Variants in PDGFC observed in about 807,000 individuals in gnomAD.
PDGFC encodes the protein platelet-derived growth factor C.
Under a neutral mutation model 35.5 loss-of-function variants are expected in PDGFC, and 12 were observed. That is an observed-to-expected ratio of 0.34 (90% CI 0.22 to 0.55). The LOEUF (loss-of-function observed/expected upper bound fraction) is 0.55. Ranked by LOEUF, PDGFC falls within the 20% of genes least tolerant of loss-of-function variation. The pLI, the probability that PDGFC is intolerant of heterozygous loss-of-function variation, is 0.91. For missense variants in PDGFC, 322 were observed against 412.4 expected, an observed-to-expected ratio of 0.78 and a Z score of 1.90; for synonymous variants, 159 against 148.8, an observed-to-expected ratio of 1.07 and a Z score of -0.50.
intron 4 of PDGFC, among the ~76,000 whole-genome samples, chr4:156,769,078 T>C (rs1730621621): frequency 6.6e-6 from 1 of 151,888 alleles, no homozygotes; most frequent in South Asian, 2.1e-4. Context: ...AGATAACATA[T>C]ATGCCTTCAG....
intron 1 of PDGFC, chr4:156,861,331 T>C (rs2111114003): frequency 2.6e-6 from 1 of 380,476 alleles, no homozygotes; most frequent in Non-Finnish European, 5.0e-6. Flanking sequence ...TGCTCTAATA[T>C]GGTTCATTGT....
Position 156,816,678 on chromosome 4 carries a change from G to A in PDGFC, c.315-5661C>T, listed in dbSNP as rs1005538890. ...TCACACCAGCAACTAACTGCAAAGC[G>A]AAGGCTTCATTCTCACGAGTCAAAC... On this transcript the variant is annotated intron_variant, in intron 2 of 5. Transcript: ENST00000502773. Among the ~76,000 whole-genome samples the A allele has an allele frequency of 3.9e-4, 60 of 152,176 alleles. 1 individual carries two copies. The Middle Eastern group carries it at 0.01, about 26-fold the overall frequency.
At chr4:156,870,386 T>C (rs939521842) in intron 1 of PDGFC, among the ~76,000 whole-genome samples, 6 of 152,130 alleles carry the variant, frequency 3.9e-5, no homozygotes, top group Non-Finnish European at 7.4e-5. Flanking sequence ...TTTCATAACA[T>C]TAGAAAACCA....
At chr4:156,846,095 A>C (rs936280125) in intron 2 of PDGFC, among the ~76,000 whole-genome samples, 5 of 151,818 alleles carry the variant, frequency 3.3e-5, no homozygotes, top group Non-Finnish European at 5.9e-5. Context: ...AGAAAACATA[A>C]AATGAATAAC....
intron 1 of PDGFC, among the ~76,000 whole-genome samples, chr4:156,946,488 T>G (rs1731951754): frequency 6.6e-6 from 1 of 152,122 alleles, no homozygotes; most frequent in Non-Finnish European, 1.5e-5. Context: ...TTGGTATTAT[T>G]TTATTTAATG....
At chr4:156,856,252 A>G (rs1729577337) in intron 1 of PDGFC, among the ~76,000 whole-genome samples, 1 of 152,166 alleles carries the variant, frequency 6.6e-6, no homozygotes, top group Non-Finnish European at 1.5e-5. Flanking sequence ...AACTACTACA[A>G]TTATTTAGAA....
In PDGFC at chr4:156,883,616, C is replaced by T. The variant is rs117238875; in HGVS notation, c.119-33200G>A. The stretch of plus-strand genomic sequence containing the variant: ...GAAGAAAACAAATTAACTAGAATAC[C>T]GCCAGTGACCATTTACTACTATACA... On this transcript the variant is annotated intron_variant, in intron 1 of 5. Coordinates refer to ENST00000502773, the MANE Select transcript of PDGFC (RefSeq NM_016205.3). 5.2e-4 allele frequency among the ~76,000 whole-genome samples: 79 copies of T among 152,182 alleles called. 1 individual carries two copies. The East Asian group carries it at 0.015, about 28-fold the overall frequency.
At chr4:156,841,142 G>A (rs1729193279) in intron 2 of PDGFC, among the ~76,000 whole-genome samples, 2 of 151,912 alleles carry the variant, frequency 1.3e-5, no homozygotes, top group South Asian at 4.2e-4. Flanking sequence ...CATGAGATTT[G>A]GGAGGGGGGC....
intron 1 of PDGFC, among the ~76,000 whole-genome samples, chr4:156,858,718 A>AT (rs1358789130): frequency 6.6e-6 from 1 of 152,152 alleles, no homozygotes; most frequent in African/African-American, 2.4e-5. Context: ...AAGCAGAATA[A>AT]TACATTTACA....
rs548725197 is a variant in PDGFC, at chr4:156,791,045, G to A, written c.496-18152C>T. ...ACATTCATATGGAGCTTAGGGCTGC[G>A]GCTCTCTGGCTTTGGGCTTCAGGAA... On this transcript the variant is annotated intron_variant, in intron 3 of 5. Transcript: ENST00000502773. Among the ~76,000 whole-genome samples the A allele has an allele frequency of 3.9e-4, 59 of 152,232 alleles. No individual in the cohort carries two copies. In the South Asian group the frequency reaches 4.6e-3, roughly 12 times the overall value.
intron 1 of PDGFC, among the ~76,000 whole-genome samples, chr4:156,850,794 T>A (rs1729435064): frequency 1.3e-5 from 2 of 148,812 alleles, no homozygotes; most frequent in South Asian, 4.4e-4. Context: ...AATTCTATTT[T>A]AAAAAATACA....
chr4:156,916,911 A>T (rs1458236132), intron 1 of PDGFC, among the ~76,000 whole-genome samples: 2 of 152,168 alleles, frequency 1.3e-5, no homozygotes, highest in African/African-American at 4.8e-5. Flanking sequence ...ATCCCAGGAC[A>T]CTCAAAAACT....
chr4:156,828,722 G>C (rs899992140), intron 2 of PDGFC, among the ~76,000 whole-genome samples: 1 of 151,982 alleles, frequency 6.6e-6, no homozygotes, highest in Admixed American at 6.6e-5. Flanking sequence ...AGATAGAACA[G>C]GTAAAATTCT....
At chr4:156,847,277 T>C (rs1282350759) in intron 2 of PDGFC, among the ~76,000 whole-genome samples, 1 of 151,672 alleles carries the variant, frequency 6.6e-6, no homozygotes, top group Non-Finnish European at 1.5e-5. Context: ...AAAGCTAACA[T>C]CATCACTAAT....
At chr4:156,964,171 T>C (rs1304427572) in intron 1 of PDGFC, among the ~76,000 whole-genome samples, 1 of 151,902 alleles carries the variant, frequency 6.6e-6, no homozygotes, top group Non-Finnish European at 1.5e-5. Flanking sequence ...AATGAAATGT[T>C]AAAATTATTA....
intron 1 of PDGFC, among the ~76,000 whole-genome samples, chr4:156,956,255 A>T (rs971224092): frequency 2.6e-5 from 4 of 152,054 alleles, no homozygotes; most frequent in Non-Finnish European, 5.9e-5. Flanking sequence ...TTTTTGTATT[A>T]GAAGACTGGG....
At chr4:156,930,691 A>G (rs970147116) in intron 1 of PDGFC, among the ~76,000 whole-genome samples, 2 of 151,974 alleles carry the variant, frequency 1.3e-5, no homozygotes, top group African/African-American at 4.8e-5. Context: ...AATATGGTGA[A>G]ACCCTGTCTC....
chr4:156,809,441 A>C (rs1391227167), intron 3 of PDGFC, among the ~76,000 whole-genome samples: 1 of 151,992 alleles, frequency 6.6e-6, no homozygotes. Flanking sequence ...AAGTCTTATG[A>C]ATCTGACAAC....
rs147280664 is a variant in PDGFC at position 156,952,207 on chromosome 4, T to C, written c.118+18579A>G. Among the ~76,000 whole-genome samples, 905 of 151,964 alleles carry C rather than the reference T, an allele frequency of 6.0e-3. 9 individuals are homozygous for C. The highest frequency in any genetic ancestry group is 0.021 in the African/African-American group (853 of 41,536). ...GATTCTACCAATATCCTCTTTGTGC[T>C]TAAAGAAGTCATGAAACAGTCAGAA... On this transcript the variant is annotated intron_variant, in intron 1 of 5. Coordinates refer to ENST00000502773, the MANE Select transcript of PDGFC (RefSeq NM_016205.3).
Sources: gnomAD v4.1 joint callset for allele counts (sites outside exome capture counted in the v4.1 genomes callset) on GRCh38, gnomAD v4.1.1 for gene constraint, MANE v1.5 for transcripts, NCBI Gene and HGNC (gene_info 2026-07-23, HGNC 2026-07-21) for gene names.